TEX9: variants seen among roughly 807,000 people sequenced by gnomAD.
The protein encoded by TEX9 is testis-expressed protein 9.
Under a neutral mutation model 59.6 loss-of-function variants are expected in TEX9, and 74 were observed. The observed-to-expected ratio is 1.24, with a 90% CI of 1.03 to 1.51. The LOEUF (loss-of-function observed/expected upper bound fraction) is 1.51, where lower values mean the gene tolerates loss of function less well. TEX9 is among the 40% of genes most tolerant of loss of function. The pLI is 0.00. For synonymous variants in TEX9, 186 were observed against 152.2 expected, an observed-to-expected ratio of 1.22 and a Z score of -1.64; for missense variants, 522 against 447.8, an observed-to-expected ratio of 1.17 and a Z score of -1.49.
chr15:56,356,782 A>C (rs1567096255), intron 1 of TEX9, among the ~76,000 whole-genome samples: 1 of 152,106 alleles, frequency 6.6e-6, no homozygotes, highest in Non-Finnish European at 1.5e-5. Flanking sequence ...TAGCTGTTTG[A>C]CTAGAAGTTC....
intron 1 of TEX9, among the ~76,000 whole-genome samples, chr15:56,249,776 G>C: frequency 7.6e-6 from 1 of 131,584 alleles, no homozygotes; most frequent in South Asian, 2.7e-4. Flanking sequence ...AAAGAGGAAA[G>C]AAGAAGCATC....
At chr15:56,418,433 A>G (rs1400724376) in intron 10 of TEX9, among the ~76,000 whole-genome samples, 1 of 150,678 alleles carries the variant, frequency 6.6e-6, no homozygotes, top group East Asian at 1.9e-4. Flanking sequence ...TCCTTCACTT[A>G]GGTAGCTTAG....
At chr15:56,389,022 A>G (rs17819450) in intron 5 of TEX9, among the ~76,000 whole-genome samples, 6,701 of 151,994 alleles carry the variant, frequency 0.044, 224 homozygotes, top group Admixed American at 0.087. Context: ...CATGAGGAGA[A>G]CTAAATTCTG....
intron 9 of TEX9, among the ~76,000 whole-genome samples, chr15:56,400,966 G>T (rs1447340768): frequency 2.0e-5 from 3 of 151,988 alleles, no homozygotes; most frequent in Non-Finnish European, 4.4e-5. Context: ...TGCCTTACAA[G>T]AGCTCCTGAA....
chr15:56,362,299 C>A (rs2046804651), upstream of TEX9, among the ~76,000 whole-genome samples: 1 of 152,152 alleles, frequency 6.6e-6, no homozygotes, highest in Non-Finnish European at 1.5e-5. Flanking sequence ...TTTGCAAGTC[C>A]TACCAGTTTT....
intron 2 of TEX9, among the ~76,000 whole-genome samples, chr15:56,367,129 C>G (rs2046981912): frequency 6.6e-6 from 1 of 152,124 alleles, no homozygotes; most frequent in South Asian, 2.1e-4. Flanking sequence ...GAGAAATATA[C>G]AGGGACTATT....
upstream of TEX9, among the ~76,000 whole-genome samples, chr15:56,361,459 T>C (rs74477655): frequency 2.1e-3 from 319 of 152,318 alleles, 1 homozygote; most frequent in African/African-American, 7.2e-3. Context: ...GATCCATGTA[T>C]TATTTAGAAG....
chr15:56,308,634 T>C (rs1334715645), intron 1 of TEX9, among the ~76,000 whole-genome samples: 3 of 152,154 alleles, frequency 2.0e-5, no homozygotes, highest in South Asian at 4.1e-4. Context: ...TCATTCCTGA[T>C]CCAAGGAATG....
intron 1 of TEX9, among the ~76,000 whole-genome samples, chr15:56,295,531 G>A (rs1692266117): frequency 2.0e-5 from 3 of 152,134 alleles, no homozygotes; most frequent in Admixed American, 1.3e-4. Flanking sequence ...TGCCTTCACT[G>A]GCCCTGCTCC....
intron 12 of TEX9, among the ~76,000 whole-genome samples, chr15:56,431,004 T>C (rs2140316371): frequency 6.6e-6 from 1 of 152,064 alleles, no homozygotes; most frequent in Middle Eastern, 3.4e-3. Flanking sequence ...TTACCAAAAA[T>C]ACAAAAATTA....
chr15:56,298,984 A>G (rs1389761703), intron 1 of TEX9, among the ~76,000 whole-genome samples: 2 of 152,204 alleles, frequency 1.3e-5, no homozygotes, highest in African/African-American at 4.8e-5. Context: ...TACTCCAGCA[A>G]TTGTTCCCCC....
rs146503744 is a variant in TEX9 at position 56,285,467 on chromosome 15, C to T, written c.-107+41189C>T. 2.9e-3 allele frequency among the ~76,000 whole-genome samples: 441 copies of T among 152,284 alleles called. 3 individuals carry two copies. Among genetic ancestry groups the T allele is most frequent in the African/African-American group, 0.01 (426 of 41,556 alleles). ...ATTTGGGAAAATCTTCTACTAAACTCTCCTCCCATTTGGGATTTGACTTCT... is the reference window on the plus strand; with the variant it reads ...ATTTGGGAAAATCTTCTACTAAACTTTCCTCCCATTTGGGATTTGACTTCT... On this transcript the variant is annotated intron_variant, in intron 1 of 5. Transcript: ENST00000560827.
intron 12 of TEX9, chr15:56,429,462 C>G (rs1392681290): frequency 3.1e-6 from 1 of 320,506 alleles, no homozygotes; most frequent in African/African-American, 2.2e-5. Flanking sequence ...ACAAGTTCTA[C>G]TGCTTGGATT....
chr15:56,377,555 A>C (rs531622345), intron 3 of TEX9, among the ~76,000 whole-genome samples: 2 of 152,008 alleles, frequency 1.3e-5, no homozygotes, highest in Admixed American at 6.6e-5. Context: ...GATTGTTGAC[A>C]TACAGACACA....
chr15:56,299,858 A>G (rs1375246231), intron 1 of TEX9, among the ~76,000 whole-genome samples: 1 of 152,136 alleles, frequency 6.6e-6, no homozygotes, highest in Non-Finnish European at 1.5e-5. Context: ...CATTGACTAA[A>G]GAGACTCTGG....
intron 9 of TEX9, among the ~76,000 whole-genome samples, chr15:56,403,710 C>T (rs1160731240): frequency 6.6e-6 from 1 of 152,194 alleles, no homozygotes; most frequent in Non-Finnish European, 1.5e-5. Flanking sequence ...CTGGAGGCAT[C>T]ACACTACCTG....
chr15:56,271,965 C>T (rs1349068275), intron 1 of TEX9, among the ~76,000 whole-genome samples: 1 of 152,032 alleles, frequency 6.6e-6, no homozygotes, highest in Non-Finnish European at 1.5e-5. Context: ...CGGTGAAACC[C>T]TGTCTCTACT....
the TEX9 span, chr15:56,456,374 A>G: frequency 6.3e-7 from 1 of 1,591,116 alleles, no homozygotes; most frequent in Non-Finnish European, 8.5e-7. Flanking sequence ...AATAAATGAA[A>G]TTTAGAGAAA....
chr15:56,391,545 T>A, intron 7 of TEX9, 127 bp downstream of exon 7: 1 of 589,820 alleles, frequency 1.7e-6, no homozygotes. Context: ...CAGAATTATC[T>A]AGTAGGATGT....
Sources: allele counts gnomAD v4.1 joint callset (sites outside exome capture counted in the v4.1 genomes callset), GRCh38; gene constraint gnomAD v4.1.1; transcripts MANE v1.5; gene names NCBI Gene and HGNC (gene_info 2026-07-23, HGNC 2026-07-21).